UXS1: variants seen among roughly 807,000 people sequenced by gnomAD.
UXS1 encodes UDP-glucuronate decarboxylase 1, also known as UDP-glucuronic acid decarboxylase 1.
Under a neutral mutation model 62.6 loss-of-function variants are expected in UXS1, and 33 were observed. The observed-to-expected ratio is 0.53, with a 90% CI of 0.40 to 0.70. The LOEUF (loss-of-function observed/expected upper bound fraction) is 0.70, where lower values mean the gene tolerates loss of function less well. Ranked by LOEUF, UXS1 falls within the 30% of genes least tolerant of loss-of-function variation. The pLI, the probability that UXS1 is intolerant of heterozygous loss-of-function variation, is 0.00. For synonymous variants in UXS1, 213 were observed against 206.8 expected (o/e 1.03, Z -0.26); for missense variants, 434 against 556.3 (o/e 0.78, Z 2.21).
intron 5 of UXS1, among the ~76,000 whole-genome samples, chr2:106,152,152 G>T (rs115430558): frequency 1.3e-3 from 197 of 152,302 alleles, no homozygotes; most frequent in African/African-American, 4.5e-3. Context: ...TGGAAATTGT[G>T]CTAAGCACGT....
chr2:106,143,271 T>C (rs183339737), intron 6 of UXS1, among the ~76,000 whole-genome samples: 112 of 151,308 alleles, frequency 7.4e-4, no homozygotes, highest in Non-Finnish European at 1.2e-3. Context: ...CAGCCCAGCA[T>C]GGTGGCAAGT....
chr2:106,193,939 G>A (rs1054899259), intron 1 of UXS1, among the ~76,000 whole-genome samples: 1 of 151,936 alleles, frequency 6.6e-6, no homozygotes, highest in Non-Finnish European at 1.5e-5. Context: ...TCCGCGCCCG[G>A]GCCTAAGCGG....
In UXS1 at chr2:106,158,014, A is replaced by G. The variant is rs1682583056; in HGVS notation, c.291+44T>C. 2.0e-6 allele frequency: 3 copies of G among 1,466,728 alleles called. No homozygotes were observed. In the African/African-American group the frequency reaches 4.2e-5, roughly 21 times the overall value. The allele number at this position is 1,466,728 out of a possible 1,614,324, so 90.9% of individuals were successfully genotyped here. A position where few individuals can be genotyped will look rare whatever the true frequency, so the allele number is the denominator to read the frequency against. On this transcript the variant is annotated intron_variant, in intron 5 of 14. Transcript: ENST00000283148. ...TGAATTATCTCTCAACGAAAAAAGA[A>G]AGTTTCTTAATATTACAAATACTAT...
intron 5 of UXS1, among the ~76,000 whole-genome samples, chr2:106,152,592 A>G (rs1292179210): frequency 6.6e-6 from 1 of 151,924 alleles, no homozygotes; most frequent in African/African-American, 2.4e-5. Flanking sequence ...AAAGAAAGAA[A>G]AGAAAAGAAA....
chr2:106,152,557 A>AGAAAGGAAG (rs56392949), intron 5 of UXS1, among the ~76,000 whole-genome samples: 1 of 147,928 alleles, frequency 6.8e-6, no homozygotes, highest in African/African-American at 2.5e-5. Context: ...AAAGGGAGAA[A>AGAAAGGAAG]GAAAGGAAGG....
In UXS1 at chr2:106,129,852, T is replaced by G. The variant is rs974920239; in HGVS notation, c.473-74A>C. The G allele has an allele frequency of 6.1e-5, 53 of 870,152 alleles. No homozygotes were observed. In the South Asian group the frequency reaches 7.2e-4, roughly 12 times the overall value. The allele number at this position is 870,152 out of a possible 1,614,324, so 53.9% of individuals were successfully genotyped here. On this transcript the variant is annotated intron_variant, in intron 6 of 14. Coordinates refer to ENST00000283148, the MANE Select transcript of UXS1 (RefSeq NM_001253875.2). ...AATACTGACCTCCTAGGATATATAC[T>G]GTATAATAAACGTATTAGTATATCT...
intron 3 of UXS1, among the ~76,000 whole-genome samples, chr2:106,164,503 T>G (rs1683091356): frequency 6.6e-6 from 1 of 152,242 alleles, no homozygotes; most frequent in South Asian, 2.1e-4. Context: ...AAAAGTCATG[T>G]AAAAGTCTAA....
At chr2:106,183,314 G>A (rs1272134115) in intron 1 of UXS1, 3 of 150,730 alleles carry the variant, frequency 2.0e-5, no homozygotes, top group African/African-American at 7.3e-5. Flanking sequence ...GAACCAGCAG[G>A]CTTTGCTTTC....
At chr2:106,118,499 A>G (rs1679246572) in intron 9 of UXS1, among the ~76,000 whole-genome samples, 1 of 152,124 alleles carries the variant, frequency 6.6e-6, no homozygotes, top group Non-Finnish European at 1.5e-5. Context: ...AGCCTACGGG[A>G]GAGGCCCCCA....
intron 1 of UXS1, among the ~76,000 whole-genome samples, chr2:106,185,270 T>C (rs920969881): frequency 3.9e-5 from 6 of 152,228 alleles, no homozygotes; most frequent in African/African-American, 1.4e-4. Context: ...CACTTTACCT[T>C]GACTACTTTA....
chr2:106,102,767 CTT>C (rs753032728), intron 11 of UXS1: 5 of 152,114 alleles, frequency 3.3e-5, no homozygotes, highest in Non-Finnish European at 5.9e-5. Context: ...TAAAAAATTG[CTT>C]GTGAAAAACA....
intron 6 of UXS1, among the ~76,000 whole-genome samples, chr2:106,130,886 A>C (rs1013446791): frequency 3.9e-5 from 6 of 152,116 alleles, no homozygotes; most frequent in Admixed American, 2.6e-4. Flanking sequence ...TTGAAAGCCA[A>C]GTCTGGGGGG....
At chr2:106,186,662 T>G (rs1409730867) in intron 1 of UXS1, among the ~76,000 whole-genome samples, 1 of 152,014 alleles carries the variant, frequency 6.6e-6, no homozygotes, top group Non-Finnish European at 1.5e-5. Context: ...AAAAAAAAAT[T>G]TTTTAATTAG....
intron 1 of UXS1, among the ~76,000 whole-genome samples, chr2:106,192,652 T>C: frequency 6.6e-6 from 1 of 152,144 alleles, no homozygotes; most frequent in East Asian, 1.9e-4. Context: ...AAATAAACAT[T>C]GAAACTGCTG....
intron 1 of UXS1, among the ~76,000 whole-genome samples, chr2:106,184,979 A>G (rs1684471520): frequency 1.3e-5 from 2 of 152,182 alleles, no homozygotes; most frequent in Admixed American, 6.5e-5. Flanking sequence ...AGGCATGTTC[A>G]TCAAAATCTC....
intron 6 of UXS1, chr2:106,138,573 G>C (rs1680848548): frequency 1.0e-6 from 1 of 985,356 alleles, no homozygotes; most frequent in South Asian, 4.7e-5. Context: ...GCCAGTTTGG[G>C]AACAGGGCTC....
At chr2:106,193,476 G>A (rs954501769) in intron 1 of UXS1, among the ~76,000 whole-genome samples, 10 of 152,074 alleles carry the variant, frequency 6.6e-5, no homozygotes, top group African/African-American at 2.2e-4. Context: ...AGCGATGACA[G>A]AAACTGGACC....
At position 106,190,120 on chromosome 2, in the gene UXS1, A is replaced by G. The variant is rs192753672; in HGVS notation, c.94+4028T>C. Among the ~76,000 whole-genome samples the G allele has an allele frequency of 5.0e-4, 76 of 152,336 alleles. No individual in the cohort carries two copies. The East Asian group carries it at 0.012, about 25-fold the overall frequency. On this transcript the variant is annotated intron_variant, in intron 1 of 14. Coordinates refer to ENST00000283148, the MANE Select transcript of UXS1 (RefSeq NM_001253875.2). ...GGAAGACGCGACAGACAACTGGCAAAGAGTTTGGAGTTGGATCTGTCATAC... is the reference window on the plus strand; with the variant it reads ...GGAAGACGCGACAGACAACTGGCAAGGAGTTTGGAGTTGGATCTGTCATAC...
At chr2:106,100,974 A>C in intron 12 of UXS1, 84 bp downstream of exon 12, 1 of 1,541,842 alleles carries the variant, frequency 6.5e-7, no homozygotes, top group Middle Eastern at 1.7e-4. Context: ...ATGGCAAATG[A>C]AGCAAAGCCT....
Sources: allele counts gnomAD v4.1 joint callset (sites outside exome capture counted in the v4.1 genomes callset), GRCh38; gene constraint gnomAD v4.1.1; transcripts MANE v1.5; gene names NCBI Gene and HGNC (gene_info 2026-07-23, HGNC 2026-07-21).